Variants in DYM observed in about 807,000 individuals in gnomAD.
DYM encodes the protein dymeclin.
DYM carries 78 observed loss-of-function variants against 93.1 expected under a neutral mutation model. That is an observed-to-expected ratio of 0.84 (90% CI 0.70 to 1.01). The LOEUF (loss-of-function observed/expected upper bound fraction) is 1.01. Among genes scored for constraint, DYM ranks in the 50% least tolerant of loss-of-function variants. DYM has a pLI of 0.00. For synonymous variants in DYM, 321 were observed against 319.7 expected (o/e 1.00, Z -0.04); for missense variants, 789 against 845.0 (o/e 0.93, Z 0.82).
At chr18:49,285,306 G>T (rs901705320) in intron 9 of DYM, among the ~76,000 whole-genome samples, 2 of 152,116 alleles carry the variant, frequency 1.3e-5, no homozygotes, top group Admixed American at 6.6e-5. Flanking sequence ...AGAATAACCC[G>T]GAAGAATCAT....
intron 14 of DYM, among the ~76,000 whole-genome samples, chr18:49,202,250 C>T (rs1053691826): frequency 4.6e-5 from 7 of 152,244 alleles, no homozygotes; most frequent in African/African-American, 1.2e-4. Context: ...GTGAGCCATT[C>T]GCGACCTTTT....
intron 15 of DYM, among the ~76,000 whole-genome samples, chr18:49,143,835 A>C (rs193238314): frequency 6.6e-6 from 1 of 152,114 alleles, no homozygotes; most frequent in Non-Finnish European, 1.5e-5. Flanking sequence ...CAGCCCATCA[A>C]CTCATGGCTA....
intron 16 of DYM, among the ~76,000 whole-genome samples, chr18:49,115,101 A>T (rs2145917989): frequency 6.6e-6 from 1 of 152,374 alleles, no homozygotes; most frequent in Admixed American, 6.5e-5. Flanking sequence ...TTATCTGTAA[A>T]TTGAGGGCTA....
rs773728718 is a variant in DYM, at chr18:49,257,119, C to T, written c.1366-15G>A. 34 of 1,594,120 alleles carry T rather than the reference C, an allele frequency of 2.1e-5. No homozygotes were observed. Among genetic ancestry groups the T allele is most frequent in the East Asian group, 1.8e-4 (8 of 44,740 alleles). On this transcript the variant is annotated splice_polypyrimidine_tract_variant and intron_variant, in intron 12 of 17. Transcript: ENST00000675505. Reference sequence around the variant, plus strand: ...AGGTACTTGTCCTGTGAGGAAACAGCGGGTGTAAAACATACAATCAAGTCT... The same window carrying T: ...AGGTACTTGTCCTGTGAGGAAACAGTGGGTGTAAAACATACAATCAAGTCT...
intron 2 of DYM, among the ~76,000 whole-genome samples, chr18:49,408,664 A>T (rs1488704851): frequency 6.6e-6 from 1 of 152,214 alleles, no homozygotes; most frequent in Non-Finnish European, 1.5e-5. Context: ...TTTATTACAA[A>T]TATGGATTGT....
intron 2 of DYM, among the ~76,000 whole-genome samples, chr18:49,408,155 A>G (rs1747747717): frequency 6.6e-6 from 1 of 152,118 alleles, no homozygotes; most frequent in Non-Finnish European, 1.5e-5. Flanking sequence ...ATATATATAC[A>G]ATTTTGCATG....
At chr18:49,292,714 A>G (rs2060244479) in intron 8 of DYM, among the ~76,000 whole-genome samples, 1 of 151,634 alleles carries the variant, frequency 6.6e-6, no homozygotes, top group Admixed American at 6.6e-5. Context: ...ATGGTTCCCA[A>G]AGTTTCTTAA....
chr18:49,281,081 G>A (rs943626248), intron 10 of DYM, among the ~76,000 whole-genome samples: 4 of 152,034 alleles, frequency 2.6e-5, no homozygotes, highest in Admixed American at 6.6e-5. Context: ...TCCAGAATCT[G>A]CAATGAACTC....
At chr18:49,125,089 C>T (rs1276704441) in intron 15 of DYM, among the ~76,000 whole-genome samples, 1 of 152,066 alleles carries the variant, frequency 6.6e-6, no homozygotes, top group Admixed American at 6.6e-5. Flanking sequence ...GAAACCTCGC[C>T]TCTACTAAAT....
At chr18:49,315,019 A>G (rs1188635374) in intron 8 of DYM, among the ~76,000 whole-genome samples, 1 of 152,304 alleles carries the variant, frequency 6.6e-6, no homozygotes, top group East Asian at 1.9e-4. Flanking sequence ...GTTCGAGACC[A>G]GCCTGGGCAA....
At chr18:49,196,611 G>A (rs988742321) in intron 14 of DYM, among the ~76,000 whole-genome samples, 1 of 152,054 alleles carries the variant, frequency 6.6e-6, no homozygotes, top group Non-Finnish European at 1.5e-5. Flanking sequence ...CTGAGGAAGT[G>A]AAAAATGTAA....
rs577095701 is a variant in DYM at position 49,083,529 on chromosome 18, G to GGTAGCATTCCTTTTTCTA, written c.2025+13872_2025+13873insTAGAAAAAGGAATGCTAC. On this transcript the variant is annotated intron_variant, in intron 17 of 17. Coordinates refer to ENST00000675505, the MANE Select transcript of DYM (RefSeq NM_001353214.3). ...CATACTGGCCTCCCTGAATGAGCTGGGTAGCATTCCTTTTTCTTACTCTAG... is the reference window on the plus strand; with the variant it reads ...CATACTGGCCTCCCTGAATGAGCTGGGTAGCATTCCTTTTTCTAGTAGCATTCCTTTTTCTTACTCTAG... Among the ~76,000 whole-genome samples, 283 of 152,214 alleles carry GGTAGCATTCCTTTTTCTA rather than the reference G, an allele frequency of 1.9e-3. 1 individual carries two copies. The highest frequency in any genetic ancestry group is 6.3e-3 in the African/African-American group (263 of 41,536).
intron 16 of DYM, among the ~76,000 whole-genome samples, chr18:49,102,280 C>A (rs1018174356): frequency 4.6e-5 from 7 of 152,182 alleles, no homozygotes; most frequent in African/African-American, 1.7e-4. Context: ...TGGGCTTTTG[C>A]TGGGTCCCAC....
intron 13 of DYM, among the ~76,000 whole-genome samples, chr18:49,214,529 T>C (rs972747383): frequency 6.7e-5 from 10 of 149,640 alleles, no homozygotes; most frequent in African/African-American, 2.5e-4. Flanking sequence ...AGAATATACA[T>C]TTAAATAGAG....
At chr18:49,199,081 A>AC (rs1425682982) in intron 14 of DYM, among the ~76,000 whole-genome samples, 2 of 152,240 alleles carry the variant, frequency 1.3e-5, no homozygotes, top group African/African-American at 4.8e-5. Flanking sequence ...CTTTGTAGGG[A>AC]CATGGATGAA....
intron 13 of DYM, among the ~76,000 whole-genome samples, chr18:49,221,195 A>T (rs1165348517): frequency 6.6e-6 from 1 of 152,058 alleles, no homozygotes; most frequent in Non-Finnish European, 1.5e-5. Flanking sequence ...GCAAATCAAA[A>T]CCACAATGAG....
intron 13 of DYM, among the ~76,000 whole-genome samples, chr18:49,214,953 A>T (rs145233525): frequency 1.3e-5 from 2 of 152,306 alleles, no homozygotes; most frequent in African/African-American, 4.8e-5. Context: ...TGCAAGATCT[A>T]TCCACAGAAG....
chr18:49,433,085 CAG>C (rs149098334), intron 1 of DYM, among the ~76,000 whole-genome samples: 2,209 of 152,230 alleles, frequency 0.015, 52 homozygotes, highest in African/African-American at 0.05. Context: ...ATTCAAGAAA[CAG>C]GGGATCCAAC....
intron 8 of DYM, among the ~76,000 whole-genome samples, chr18:49,315,782 CATAT>C (rs2061893972): frequency 1.3e-5 from 2 of 152,120 alleles, no homozygotes; most frequent in Admixed American, 6.5e-5. Flanking sequence ...CCAAAATACT[CATAT>C]AATCATTGAC....
Sources: allele counts gnomAD v4.1 joint callset (sites outside exome capture counted in the v4.1 genomes callset), GRCh38; gene constraint gnomAD v4.1.1; transcripts MANE v1.5; gene names NCBI Gene and HGNC (gene_info 2026-07-23, HGNC 2026-07-21).